C12orf56: variants seen among roughly 807,000 people sequenced by gnomAD.
The protein encoded by C12orf56 is uncharacterized protein C12orf56.
Under a neutral mutation model 69.9 loss-of-function variants are expected in C12orf56, and 71 were observed. That is an observed-to-expected ratio of 1.02 (90% CI 0.84 to 1.24). C12orf56 has a LOEUF of 1.24. C12orf56 is among the 50% of genes most tolerant of loss of function. The pLI is 0.00. For missense variants in C12orf56, 732 were observed against 738.5 expected (o/e 0.99, Z 0.10); for synonymous variants, 276 against 274.1 (o/e 1.01, Z -0.07).
rs549133338 is a variant in C12orf56 at position 64,376,704 on chromosome 12, A to G, written c.252+13610T>C. ...TTAGCTCCCACTTATAAGTGAGAAC[A>G]TGTGGTATTTAGTTTTCTGTTCCTG... On this transcript the variant is annotated intron_variant, in intron 1 of 12. Transcript: ENST00000543942. Among the ~76,000 whole-genome samples the G allele has an allele frequency of 1.3e-4, 20 of 151,894 alleles. No individual in the cohort carries two copies. In the South Asian group the frequency reaches 4.0e-3, roughly 30 times the overall value.
Position 64,367,513 on chromosome 12 carries a change from T to C in C12orf56, c.253-14457A>G, listed in dbSNP as rs530597276. Reference sequence around the variant, plus strand: ...GACAACGTTTAAGGAGAGATACTCTTTTTTTTTTTTGAGACAGAGCCTTGC... The same window carrying C: ...GACAACGTTTAAGGAGAGATACTCTCTTTTTTTTTTGAGACAGAGCCTTGC... On this transcript the variant is annotated intron_variant, in intron 1 of 12. Transcript: ENST00000543942. Among the ~76,000 whole-genome samples, 6 of 148,032 alleles carry C rather than the reference T, an allele frequency of 4.1e-5. No individual in the cohort carries two copies. The Admixed American group carries it at 4.1e-4, about 10-fold the overall frequency.
At chr12:64,313,919 T>A (rs2038656116) in intron 4 of C12orf56, among the ~76,000 whole-genome samples, 1 of 151,668 alleles carries the variant, frequency 6.6e-6, no homozygotes, top group Non-Finnish European at 1.5e-5. Context: ...GGCACATGCC[T>A]GTAATCCCAG....
At position 64,280,762 on chromosome 12, in the gene C12orf56, G is replaced by A. The variant is rs905699694; in HGVS notation, c.1311-2959C>T. 3.1e-4 allele frequency among the ~76,000 whole-genome samples: 47 copies of A among 152,172 alleles called. 1 individual carries two copies. Among genetic ancestry groups the A allele is most frequent in the Admixed American group, 1.6e-3 (25 of 15,280 alleles). On this transcript the variant is annotated intron_variant, in intron 8 of 12. Transcript: ENST00000543942. Reference sequence around the variant, plus strand: ...AGTCCCACAGCTGTAAGGAAATTTAGTCTGCCAGCAATCACCCAAATGAGC... The same window carrying A: ...AGTCCCACAGCTGTAAGGAAATTTAATCTGCCAGCAATCACCCAAATGAGC...
chr12:64,378,189 T>C (rs538610541), intron 1 of C12orf56, among the ~76,000 whole-genome samples: 6 of 152,222 alleles, frequency 3.9e-5, no homozygotes, highest in Non-Finnish European at 7.3e-5. Flanking sequence ...CTTCCAGACA[T>C]GTGGAATGCA....
At chr12:64,369,819 A>G (rs1206764208) in intron 1 of C12orf56, among the ~76,000 whole-genome samples, 1 of 151,672 alleles carries the variant, frequency 6.6e-6, no homozygotes, top group East Asian at 2.0e-4. Flanking sequence ...CGTCTCTACT[A>G]AAAATACAAA....
intron 2 of C12orf56, among the ~76,000 whole-genome samples, chr12:64,334,938 TC>T (rs1051945408): frequency 1.4e-4 from 21 of 152,182 alleles, no homozygotes; most frequent in Non-Finnish European, 2.8e-4. Flanking sequence ...AAACTTAAAT[TC>T]AGTTATTCAG....
At position 64,274,956 on chromosome 12, in the gene C12orf56, G is replaced by A; in HGVS notation, c.1529C>T (p.Ser510Phe). 1 of 1,611,762 alleles carries A rather than the reference G, an allele frequency of 6.2e-7. No individual in the cohort carries two copies. Among genetic ancestry groups the A allele is most frequent in the Non-Finnish European group, 8.5e-7 (1 of 1,178,202 alleles). Residue 510 changes from serine to phenylalanine, a missense_variant, in exon 11 of 13, where the codon TCC becomes TTC. By Grantham distance (155) the Ser-to-Phe change is radical (BLOSUM62 -2). Coordinates refer to ENST00000543942, the MANE Select transcript of C12orf56 (RefSeq NM_001170633.2). The stretch of plus-strand genomic sequence containing the variant: ...TATCCAGCTAATAGCAAACTTTGTG[G>A]ATCCCAATCCGAGATTTCCCTAAAA... ...VFQQGNLGLG[S>F]TKFAISWIMS...
chr12:64,286,415 T>A (rs570043203), intron 6 of C12orf56, among the ~76,000 whole-genome samples: 3 of 152,324 alleles, frequency 2.0e-5, no homozygotes, highest in South Asian at 4.1e-4. Context: ...CTTTCCAAAG[T>A]AATCTGGCCT....
Position 64,380,121 on chromosome 12 carries a change from A to C in C12orf56, c.252+10193T>G, listed in dbSNP as rs1471079158. Among the ~76,000 whole-genome samples the C allele has an allele frequency of 8.5e-4, 79 of 92,428 alleles. 3 individuals carry two copies. The highest frequency in any genetic ancestry group is 7.1e-3 in the South Asian group (23 of 3,238). 60.6% of individuals were successfully genotyped at this position (92,428 alleles called of 152,430 possible). The stretch of plus-strand genomic sequence containing the variant: ...CTCCGTCGCAAAAAAAAAAAAAAAA[A>C]AAAAAAAAAAAAACAAAACAAACAA... On this transcript the variant is annotated intron_variant, in intron 1 of 12. Transcript: ENST00000543942.
At chr12:64,316,290 A>G (rs1037403318) in intron 4 of C12orf56, among the ~76,000 whole-genome samples, 1 of 151,932 alleles carries the variant, frequency 6.6e-6, no homozygotes, top group African/African-American at 2.4e-5. Flanking sequence ...ATGGGATTTC[A>G]CCCATCTCTG....
intron 4 of C12orf56, among the ~76,000 whole-genome samples, chr12:64,315,450 C>G (rs1348662703): frequency 6.6e-6 from 1 of 152,078 alleles, no homozygotes; most frequent in Non-Finnish European, 1.5e-5. Flanking sequence ...GGAATTACCA[C>G]ATTTCATCTT....
chr12:64,275,064 T>C, intron 10 of C12orf56, 89 bp from the exon 11 acceptor site: 1 of 1,222,726 alleles, frequency 8.2e-7, no homozygotes, highest in Non-Finnish European at 1.2e-6. Flanking sequence ...ATTTTTATCC[T>C]GATTAATCGA....
At chr12:64,275,402 G>A in intron 9 of C12orf56, 30 bp from the exon 10 acceptor site, 2 of 1,020,020 alleles carry the variant, frequency 2.0e-6, no homozygotes, top group Non-Finnish European at 2.8e-6. Context: ...TCAATGCAAT[G>A]TCATAAGCCA....
intron 1 of C12orf56, among the ~76,000 whole-genome samples, chr12:64,358,178 G>A (rs10878155): frequency 0.16 from 23,728 of 151,968 alleles, 1,909 homozygotes; most frequent in Middle Eastern, 0.26. Context: ...TCATAATCTC[G>A]GCTGGGCGCA....
At position 64,380,974 on chromosome 12, in the gene C12orf56, C is replaced by T. The variant is rs537000418; in HGVS notation, c.252+9340G>A. Among the ~76,000 whole-genome samples the T allele has an allele frequency of 1.6e-4, 24 of 152,220 alleles. No homozygotes were observed. In the South Asian group the frequency reaches 4.1e-3, roughly 26 times the overall value. On this transcript the variant is annotated intron_variant, in intron 1 of 12. Coordinates refer to ENST00000543942, the MANE Select transcript of C12orf56 (RefSeq NM_001170633.2). ...GTAACCACCCAACAGGTTCATGTTG[C>T]CTGCTGCCTAGACAAGGCCAATTTA...
chr12:64,283,784 A>T (rs2038162993), intron 8 of C12orf56, among the ~76,000 whole-genome samples: 1 of 152,218 alleles, frequency 6.6e-6, no homozygotes, highest in South Asian at 2.1e-4. Context: ...ACAGAGTAAC[A>T]AAGGGGAAAA....
intron 2 of C12orf56, among the ~76,000 whole-genome samples, chr12:64,350,898 A>G (rs2039213749): frequency 6.6e-6 from 1 of 152,196 alleles, no homozygotes; most frequent in Non-Finnish European, 1.5e-5. Flanking sequence ...TTTTTAACAA[A>G]AAATGAGGAC....
chr12:64,338,769 G>C (rs970921614), intron 2 of C12orf56: 1 of 1,390,330 alleles, frequency 7.2e-7, no homozygotes, highest in Non-Finnish European at 1.0e-6. Context: ...ATCTGCTTTT[G>C]CATGTCAGCA....
chr12:64,298,616 A>C (rs1418813913), intron 6 of C12orf56, among the ~76,000 whole-genome samples: 1 of 152,170 alleles, frequency 6.6e-6, no homozygotes, highest in Non-Finnish European at 1.5e-5. Context: ...CAGTTTTCCC[A>C]GCACCATTTA....
Sources: allele counts gnomAD v4.1 joint callset (sites outside exome capture counted in the v4.1 genomes callset), GRCh38; gene constraint gnomAD v4.1.1; transcripts MANE v1.5; gene names NCBI Gene and HGNC (gene_info 2026-07-23, HGNC 2026-07-21).